SRGAP1: variants seen among roughly 807,000 people sequenced by gnomAD.
SRGAP1 encodes SLIT-ROBO Rho GTPase-activating protein 1.
A neutral mutation model predicts 121.9 loss-of-function variants in SRGAP1; 43 were observed. That is an observed-to-expected ratio of 0.35 (90% CI 0.28 to 0.46). The LOEUF (loss-of-function observed/expected upper bound fraction) is 0.46, where lower values mean the gene tolerates loss of function less well. Ranked by LOEUF, SRGAP1 falls within the 20% of genes least tolerant of loss-of-function variation. The probability of loss-of-function intolerance (pLI) is 1.00; values close to 1 mark genes in which losing one functional copy is unlikely to be tolerated. For missense variants in SRGAP1, 1,102 were observed against 1,350.9 expected, an observed-to-expected ratio of 0.82 and a Z score of 2.89; for synonymous variants, 447 against 485.4, an observed-to-expected ratio of 0.92 and a Z score of 1.04.
At chr12:63,969,534 C>T (rs989595211) in intron 1 of SRGAP1, among the ~76,000 whole-genome samples, 1 of 152,172 alleles carries the variant, frequency 6.6e-6, no homozygotes, top group African/African-American at 2.4e-5. Flanking sequence ...TGGCTCACAC[C>T]TGTAATCCCA....
chr12:63,881,599 T>G (rs1424905386), intron 1 of SRGAP1, among the ~76,000 whole-genome samples: 5 of 152,238 alleles, frequency 3.3e-5, no homozygotes, highest in Non-Finnish European at 7.3e-5. Context: ...CCTAAGGTAT[T>G]GTGCAGCTTA....
At chr12:64,032,231 G>A (rs149582100) in intron 4 of SRGAP1, among the ~76,000 whole-genome samples, 1 of 152,266 alleles carries the variant, frequency 6.6e-6, no homozygotes, top group Non-Finnish European at 1.5e-5. Context: ...TGAATCTCAG[G>A]TTCTACACAG....
intron 1 of SRGAP1, among the ~76,000 whole-genome samples, chr12:63,916,924 A>G (rs779423876): frequency 6.6e-6 from 1 of 152,138 alleles, no homozygotes; most frequent in Non-Finnish European, 1.5e-5. Flanking sequence ...AGAGTGTGCC[A>G]TTTGATCAAA....
At chr12:63,861,621 T>C (rs932773289) in intron 1 of SRGAP1, among the ~76,000 whole-genome samples, 1 of 152,128 alleles carries the variant, frequency 6.6e-6, no homozygotes, top group Non-Finnish European at 1.5e-5. Context: ...TTATATGTAG[T>C]GTTTTTATCT....
chr12:63,943,859 C>T (rs2031950335), intron 1 of SRGAP1, among the ~76,000 whole-genome samples: 1 of 151,924 alleles, frequency 6.6e-6, no homozygotes, highest in Admixed American at 6.6e-5. Context: ...AGGGAGAAAG[C>T]CTATGAAAGG....
At chr12:64,005,043 G>A (rs753895359) in intron 3 of SRGAP1, among the ~76,000 whole-genome samples, 19 of 152,152 alleles carry the variant, frequency 1.2e-4, no homozygotes, top group East Asian at 1.9e-4. Flanking sequence ...AAGAGATACC[G>A]AATATGGCTG....
rs11831551 is a variant in SRGAP1, at chr12:63,950,891, C to A, written c.68-33056C>A. ...TCCTGTCCTGAGTCCCCCACTCCAC[C>A]CCACCCCACCCCCATTATGCATTAG... On this transcript the variant is annotated intron_variant, in intron 1 of 21. Coordinates refer to ENST00000355086, the MANE Select transcript of SRGAP1 (RefSeq NM_020762.4). Among the ~76,000 whole-genome samples, 2 of 151,660 alleles carry A rather than the reference C, an allele frequency of 1.3e-5. 1 individual carries two copies. Among genetic ancestry groups the A allele is most frequent in the African/African-American group, 4.9e-5 (2 of 41,154 alleles).
intron 6 of SRGAP1, among the ~76,000 whole-genome samples, chr12:64,057,524 T>G (rs1377986366): frequency 6.6e-6 from 1 of 152,202 alleles, no homozygotes; most frequent in East Asian, 1.9e-4. Context: ...TTGACTACTA[T>G]GTAAAAGCTC....
At chr12:63,959,023 A>G (rs765783643) in intron 1 of SRGAP1, among the ~76,000 whole-genome samples, 5 of 152,142 alleles carry the variant, frequency 3.3e-5, no homozygotes, top group Non-Finnish European at 7.4e-5. Context: ...CAGTTCATCA[A>G]TTACAGGATG....
At chr12:64,061,986 A>G (rs1214622346) in intron 6 of SRGAP1, among the ~76,000 whole-genome samples, 2 of 151,930 alleles carry the variant, frequency 1.3e-5, no homozygotes, top group African/African-American at 4.8e-5. Flanking sequence ...ATACTGCTAT[A>G]AACATTTGTG....
intron 1 of SRGAP1, among the ~76,000 whole-genome samples, chr12:63,913,190 CCTT>C (rs746222189): frequency 7.7e-5 from 9 of 116,364 alleles, no homozygotes; most frequent in South Asian, 6.1e-4. Flanking sequence ...TCTGGTAAAT[CCTT>C]CTTTTTTTTT....
intron 1 of SRGAP1, among the ~76,000 whole-genome samples, chr12:63,931,979 A>G (rs2031491606): frequency 6.6e-6 from 1 of 152,232 alleles, no homozygotes; most frequent in Non-Finnish European, 1.5e-5. Flanking sequence ...AATGCCTTGC[A>G]TGTTGTCAGT....
At chr12:64,077,807 G>C (rs1235085949) in intron 8 of SRGAP1, among the ~76,000 whole-genome samples, 1 of 152,050 alleles carries the variant, frequency 6.6e-6, no homozygotes, top group Middle Eastern at 3.2e-3. Context: ...TGTTCATCTG[G>C]ACACTATTGA....
At chr12:63,998,187 C>G (rs1247660224) in intron 3 of SRGAP1, among the ~76,000 whole-genome samples, 1 of 152,136 alleles carries the variant, frequency 6.6e-6, no homozygotes, top group Non-Finnish European at 1.5e-5. Context: ...ATGTTGTTCA[C>G]TGAAACAATG....
chr12:64,089,477 T>C (rs2036008193), intron 11 of SRGAP1, among the ~76,000 whole-genome samples: 3 of 152,224 alleles, frequency 2.0e-5, no homozygotes, highest in South Asian at 4.1e-4. Context: ...CTCCTGAACG[T>C]TGGCCTCCCC....
chr12:64,089,749 AC>A (rs1275413034), intron 11 of SRGAP1, among the ~76,000 whole-genome samples: 2 of 152,100 alleles, frequency 1.3e-5, no homozygotes, highest in Non-Finnish European at 2.9e-5. Context: ...GCTTCTTTTA[AC>A]CTCGCCAGCA....
chr12:64,046,990 G>A (rs547262465), intron 6 of SRGAP1, among the ~76,000 whole-genome samples: 41 of 152,046 alleles, frequency 2.7e-4, no homozygotes, highest in Admixed American at 2.4e-3. Flanking sequence ...GCCAATCAGG[G>A]GTAGGCTTCA....
At chr12:64,135,131 G>A (rs2036839794) in intron 21 of SRGAP1, among the ~76,000 whole-genome samples, 1 of 152,206 alleles carries the variant, frequency 6.6e-6, no homozygotes, top group Non-Finnish European at 1.5e-5. Context: ...GGATAGGGAA[G>A]CTGTTTCTTC....
chr12:64,062,605 C>G (rs2035470108), intron 6 of SRGAP1, among the ~76,000 whole-genome samples: 1 of 152,062 alleles, frequency 6.6e-6, no homozygotes, highest in South Asian at 2.1e-4. Context: ...CAGCCTTCAA[C>G]TCCCAGGTTC....
Sources: gnomAD v4.1 joint callset for allele counts (sites outside exome capture counted in the v4.1 genomes callset) on GRCh38, gnomAD v4.1.1 for gene constraint, MANE v1.5 for transcripts, NCBI Gene and HGNC (gene_info 2026-07-23, HGNC 2026-07-21) for gene names.